The following TCF12 variants were observed in gnomAD, a reference collection of about 807,000 sequenced individuals.
TCF12 encodes the protein transcription factor 12.
In TCF12, 45 loss-of-function variants were observed where a neutral mutation model predicts 86.0. That is an observed-to-expected ratio of 0.52 (90% CI 0.41 to 0.67). The LOEUF (loss-of-function observed/expected upper bound fraction) is 0.67, where lower values mean the gene tolerates loss of function less well. Among genes scored for constraint, TCF12 ranks in the 30% least tolerant of loss-of-function variants. TCF12 has a pLI of 0.00. For synonymous variants in TCF12, 330 were observed against 299.6 expected, an observed-to-expected ratio of 1.10 and a Z score of -1.05; for missense variants, 881 against 859.9, an observed-to-expected ratio of 1.02 and a Z score of -0.31.
At chr15:57,075,757 C>CT (rs1279491439) in intron 4 of TCF12, among the ~76,000 whole-genome samples, 13 of 128,980 alleles carry the variant, frequency 1.0e-4, no homozygotes, top group African/African-American at 3.2e-4. Flanking sequence ...CATGAGGTTT[C>CT]TTTTCTTTCT....
chr15:57,107,970 G>T (rs1297690952), intron 5 of TCF12, among the ~76,000 whole-genome samples: 3 of 152,040 alleles, frequency 2.0e-5, no homozygotes, highest in Non-Finnish European at 4.4e-5. Flanking sequence ...TCTAAGTCAA[G>T]AATATTTTTA....
chr15:57,096,151 C>T (rs2733332), intron 5 of TCF12, among the ~76,000 whole-genome samples: 83,743 of 151,942 alleles, frequency 0.55, 23,489 homozygotes, highest in Admixed American at 0.61. Context: ...GATGGATGAC[C>T]GTGGAAAAAC....
chr15:57,068,333 T>C (rs2464428), intron 4 of TCF12, among the ~76,000 whole-genome samples: 124,300 of 152,150 alleles, frequency 0.82, 51,271 homozygotes, highest in African/African-American at 0.93. Context: ...AATTCACCCA[T>C]TAGATCTATA....
intron 4 of TCF12, among the ~76,000 whole-genome samples, chr15:57,078,733 C>T (rs760646529): frequency 1.4e-4 from 22 of 152,070 alleles, no homozygotes; most frequent in East Asian, 1.9e-4. Flanking sequence ...GCAGGTAAGA[C>T]GAGAAGATGA....
chr15:56,977,294 A>G (rs1463322700), intron 3 of TCF12, among the ~76,000 whole-genome samples: 3 of 152,076 alleles, frequency 2.0e-5, no homozygotes, highest in Non-Finnish European at 4.4e-5. Context: ...GCACTTTGGG[A>G]GGCCGAGGTG....
intron 5 of TCF12, among the ~76,000 whole-genome samples, chr15:57,148,162 G>A (rs1277944495): frequency 1.3e-5 from 2 of 151,940 alleles, no homozygotes; most frequent in Admixed American, 1.3e-4. Flanking sequence ...GGGATTACAG[G>A]TGTGAGCCAC....
intron 12 of TCF12, among the ~76,000 whole-genome samples, chr15:57,240,767 C>T (rs1158816429): frequency 2.0e-5 from 3 of 149,624 alleles, no homozygotes; most frequent in Admixed American, 6.8e-5. Context: ...GTAGTCCCAG[C>T]TCCTTGGGAA....
rs28467779 is a variant in TCF12 at position 57,077,325 on chromosome 15, A to G, written c.222+13502A>G. ...ATTTACTTTCCATATATATGTATAT[A>G]TATGTGTGTGTGTGTGTGTGTGTGT... On this transcript the variant is annotated intron_variant, in intron 4 of 20. Transcript: ENST00000333725. 2.7e-4 allele frequency among the ~76,000 whole-genome samples: 35 copies of G among 127,292 alleles called. 2 individuals are homozygous for G. The highest frequency in any genetic ancestry group is 9.8e-4 in the African/African-American group (31 of 31,656). The allele number at this position is 127,292 out of a possible 152,430, so 83.5% of individuals were successfully genotyped here. A position where few individuals can be genotyped will look rare whatever the true frequency, so the allele number is the denominator to read the frequency against.
intron 3 of TCF12, among the ~76,000 whole-genome samples, chr15:57,017,726 C>CTTTTTTTTTTTTT (rs34230192): frequency 7.7e-6 from 1 of 130,566 alleles, no homozygotes; most frequent in Non-Finnish European, 1.6e-5. Context: ...AATTTTCTTT[C>CTTTTTTTTTTTTT]TTTTTTTTTT....
intron 8 of TCF12, among the ~76,000 whole-genome samples, chr15:57,225,539 C>A (rs2058836416): frequency 6.6e-6 from 1 of 151,944 alleles, no homozygotes; most frequent in African/African-American, 2.4e-5. Context: ...GCCACTGCGC[C>A]CAGCCAAGGA....
At chr15:57,213,584 G>T (rs988352859) in intron 8 of TCF12, among the ~76,000 whole-genome samples, 3 of 152,088 alleles carry the variant, frequency 2.0e-5, no homozygotes. Context: ...TTAACTTCTG[G>T]TCTTTTAAAA....
chr15:57,087,038 T>A (rs1414325218), intron 4 of TCF12, among the ~76,000 whole-genome samples: 1 of 150,434 alleles, frequency 6.6e-6, no homozygotes, highest in Non-Finnish European at 1.5e-5. Context: ...TCTCTTCCCC[T>A]CTCTCTCCCT....
intron 5 of TCF12, among the ~76,000 whole-genome samples, chr15:57,146,184 AT>A (rs2053349569): frequency 6.6e-6 from 1 of 152,188 alleles, no homozygotes; most frequent in Non-Finnish European, 1.5e-5. Context: ...CCTCAAACTC[AT>A]TAGTTGCCCC....
intron 5 of TCF12, among the ~76,000 whole-genome samples, chr15:57,153,058 A>G (rs2053878280): frequency 6.6e-6 from 1 of 152,234 alleles, no homozygotes; most frequent in Non-Finnish European, 1.5e-5. Context: ...TACAATTTTT[A>G]AAACTGTGTC....
intron 3 of TCF12, among the ~76,000 whole-genome samples, chr15:56,943,442 TAAA>T (rs2060865617): frequency 6.6e-6 from 1 of 152,220 alleles, no homozygotes; most frequent in Non-Finnish European, 1.5e-5. Context: ...CCTACTGTAA[TAAA>T]AAGCCTTCAA....
In TCF12 at chr15:57,017,726, CT is replaced by C. The variant is rs34230192; in HGVS notation, c.149-46007del. On this transcript the variant is annotated intron_variant, in intron 3 of 20. Transcript: ENST00000333725. ...GATGTGAGAAGGTCTAATTTTCTTT[CT>C]TTTTTTTTTTTTTTTTGCCTGAACA... Among the ~76,000 whole-genome samples, 665 of 130,506 alleles carry C rather than the reference CT, an allele frequency of 5.1e-3. 2 individuals are homozygous for C. The highest frequency in any genetic ancestry group is 0.014 in the African/African-American group (499 of 34,824). 85.6% of individuals were successfully genotyped at this position (130,506 alleles called of 152,430 possible).
At chr15:57,260,032 G>A (rs1280750409) in intron 16 of TCF12, among the ~76,000 whole-genome samples, 4 of 152,178 alleles carry the variant, frequency 2.6e-5, no homozygotes, top group Middle Eastern at 3.2e-3. Context: ...TCAAGCCTTC[G>A]TCTAGTCTGA....
intron 5 of TCF12, among the ~76,000 whole-genome samples, chr15:57,096,519 A>C (rs542300035): frequency 7.9e-5 from 12 of 151,798 alleles, no homozygotes; most frequent in African/African-American, 2.9e-4. Context: ...CAAGTCCCTT[A>C]TATATATATA....
chr15:57,178,451 C>T (rs932958572), intron 6 of TCF12, among the ~76,000 whole-genome samples: 4 of 152,114 alleles, frequency 2.6e-5, no homozygotes, highest in Non-Finnish European at 5.9e-5. Flanking sequence ...AGAGAGGATA[C>T]TTAGTTGCTC....
Sources: allele counts gnomAD v4.1 joint callset (sites outside exome capture counted in the v4.1 genomes callset), GRCh38; gene constraint gnomAD v4.1.1; transcripts MANE v1.5; gene names NCBI Gene and HGNC (gene_info 2026-07-23, HGNC 2026-07-21).